The following IFIH1 variants were observed in gnomAD, a reference collection of about 807,000 sequenced individuals.
IFIH1 encodes interferon-induced helicase C domain-containing protein 1.
In IFIH1, 125 loss-of-function variants were observed where a neutral mutation model predicts 107.4. That is an observed-to-expected ratio of 1.16 (90% CI 1.01 to 1.35). The LOEUF (loss-of-function observed/expected upper bound fraction) is 1.35. Among genes scored for constraint, IFIH1 ranks in the 40% most tolerant of loss-of-function variants. The pLI is 0.00. For synonymous variants in IFIH1, 458 were observed against 413.2 expected, an observed-to-expected ratio of 1.11 and a Z score of -1.31; for missense variants, 1,333 against 1,213.7, an observed-to-expected ratio of 1.10 and a Z score of -1.46.
chr2:162,314,783 T>A (rs1683458224), intron 1 of IFIH1, among the ~76,000 whole-genome samples: 1 of 152,110 alleles, frequency 6.6e-6, no homozygotes, highest in Non-Finnish European at 1.5e-5. Flanking sequence ...CCACCATGAC[T>A]GGCCTACAGT....
rs775472922 is a variant in IFIH1 at position 162,272,317 on chromosome 2, T to A, written c.2525A>T (p.Glu842Val). Residue 842 changes from glutamate to valine, a missense_variant, in exon 13 of 16, where the codon GAA (glutamate) becomes GTA (valine). By Grantham distance (121) the Glu-to-Val change is moderately radical. Coordinates refer to ENST00000649979, the MANE Select transcript of IFIH1 (RefSeq NM_022168.4). ...TCGGAAATCATTAACTGTCTCATGT[T>A]CGATAACTCCTGAACCACTGTGAGC... Reference protein sequence around the residue: ...LVAHSGSGVIEHETVNDFREK... With the variant: ...LVAHSGSGVIVHETVNDFREK... 1.3e-5 allele frequency: 21 copies of A among 1,613,242 alleles called. No homozygotes were observed. Among genetic ancestry groups the A allele is most frequent in the Middle Eastern group, 1.6e-4 (1 of 6,078 alleles).
rs1691055209 is a variant in IFIH1 at position 162,272,284 on chromosome 2, A to G, written c.2558T>C (p.Met853Thr). 1 of 1,612,396 alleles carries G rather than the reference A, an allele frequency of 6.2e-7. No homozygotes were observed. Among genetic ancestry groups the G allele is most frequent in the Non-Finnish European group, 8.5e-7 (1 of 1,178,862 alleles). ...AACACAATGTATAGCTTTATACATC[A>G]TCTTCTCTCGGAAATCATTAACTGT... ...HETVNDFREK[M>T]MYKAIHCVQN... Residue 853 changes from methionine (M) to threonine (T), a missense_variant, in exon 13 of 16, where the codon ATG (methionine) becomes ACG (threonine). Met to Thr is a moderately conservative substitution (Grantham distance 81). Transcript: ENST00000649979.
rs1682672313 is a variant in IFIH1 at position 162,276,679 on chromosome 2, A to G, written c.2304+8T>C. The G allele has an allele frequency of 6.2e-7, 1 of 1,601,904 alleles. No individual in the cohort carries two copies. The highest frequency in any genetic ancestry group is 8.5e-7 in the Non-Finnish European group (1 of 1,176,076). Reference sequence around the variant, plus strand: ...AAGAAAAGAAGTCGTCCAAAAGGATATTTATACCTGTGTCATGGGTTTGAA... The same window carrying G: ...AAGAAAAGAAGTCGTCCAAAAGGATGTTTATACCTGTGTCATGGGTTTGAA... On this transcript the variant is annotated splice_region_variant and intron_variant, in intron 11 of 15. Coordinates refer to ENST00000649979, the MANE Select transcript of IFIH1 (RefSeq NM_022168.4).
chr2:162,277,699 A>G lies in IFIH1; in HGVS notation c.1766-6T>C. 1 of 1,598,660 alleles carries G rather than the reference A, an allele frequency of 6.3e-7. No individual in the cohort carries two copies. On this transcript the variant is annotated splice_region_variant and splice_polypyrimidine_tract_variant and intron_variant, in intron 9 of 15. Transcript: ENST00000649979. ...GCGATTTCCTTCTTTTGCAGCTGTG[A>G]AAAAATATATTATGTAAGTGAAATA...
intron 1 of IFIH1, 70 bp downstream of exon 1, chr2:162,317,785 G>A (rs766809664): frequency 9.4e-6 from 12 of 1,283,250 alleles, no homozygotes; most frequent in Non-Finnish European, 1.3e-5. Context: ...TTGGAAAGGG[G>A]CAAACGCACA....
intron 3 of IFIH1, among the ~76,000 whole-genome samples, chr2:162,295,239 T>C (rs1455165827): frequency 6.6e-6 from 1 of 152,032 alleles, no homozygotes; most frequent in Non-Finnish European, 1.5e-5. Flanking sequence ...CAACCACTGA[T>C]CTGGTTTCTG....
intron 5 of IFIH1, among the ~76,000 whole-genome samples, chr2:162,285,510 G>T (rs987030262): frequency 3.3e-5 from 5 of 151,930 alleles, no homozygotes; most frequent in Non-Finnish European, 7.4e-5. Context: ...CAAAAAGATG[G>T]TATAGTAAAC....
At position 162,276,718 on chromosome 2, in the gene IFIH1, C is replaced by T; in HGVS notation, c.2273G>A (p.Gly758Glu). The T allele has an allele frequency of 6.2e-7, 1 of 1,613,970 alleles. No individual in the cohort carries two copies. Among genetic ancestry groups the T allele is most frequent in the Non-Finnish European group, 8.5e-7 (1 of 1,179,906 alleles). Residue 758 changes from glycine (G) to glutamate (E), a missense_variant, in exon 11 of 16, where the codon GGA becomes GAA. Transcript: ENST00000649979. The part of the protein sequence containing the change: ...GVKAHHLIGA[G>E]HSSEFKPMTQ... The stretch of plus-strand genomic sequence containing the variant: ...CATGGGTTTGAACTCACTGCTGTGT[C>T]CAGCTCCAATCAGATGGTGGGCTTT...
At chr2:162,298,490 T>C (rs977491174) in intron 3 of IFIH1, among the ~76,000 whole-genome samples, 1 of 152,152 alleles carries the variant, frequency 6.6e-6, no homozygotes, top group Admixed American at 6.6e-5. Flanking sequence ...TTCATGTTTA[T>C]TCTAGTTCTG....
intron 12 of IFIH1, 63 bp downstream of exon 12, chr2:162,273,732 G>T: frequency 8.4e-7 from 1 of 1,192,722 alleles, no homozygotes; most frequent in Non-Finnish European, 1.2e-6. Flanking sequence ...CTAAAAGAAA[G>T]CAATTAAAAT....
chr2:162,306,619 C>CAT (rs1412036233), intron 3 of IFIH1, 90 bp downstream of exon 3: 23 of 874,648 alleles, frequency 2.6e-5, no homozygotes, highest in Non-Finnish European at 3.7e-5. Context: ...TTAATGCCCA[C>CAT]ATTTTCTCCC....
rs371848456 is a variant in IFIH1, at chr2:162,307,368, G to C, written c.623-513C>G. On this transcript the variant is annotated intron_variant, in intron 2 of 15. Transcript: ENST00000649979. ...AATGCAAATTTGGTAGTTTTCTTTA[G>C]CTTTGCTCTTGCCATTTTGTTTCCT... Among the ~76,000 whole-genome samples, 42 of 152,282 alleles carry C rather than the reference G, an allele frequency of 2.8e-4. No homozygotes were observed. In the East Asian group the frequency reaches 7.7e-3, roughly 28 times the overall value.
Position 162,267,364 on chromosome 2 carries a change from T to C in IFIH1, c.2914A>G (p.Met972Val). 1.2e-6 allele frequency: 2 copies of C among 1,613,898 alleles called. No homozygotes were observed. The highest frequency in any genetic ancestry group is 1.1e-5 in the South Asian group (1 of 90,996). Reference sequence around the variant, plus strand: ...GGCAAATCTAAGCCTTTGTGCACCATCATTGTTCCCCAAGCCTGGAAAACA... The same window carrying C: ...GGCAAATCTAAGCCTTTGTGCACCACCATTGTTCCCCAAGCCTGGAAAACA... Reference protein sequence around the residue: ...CKCGQAWGTMMVHKGLDLPCL... With the variant: ...CKCGQAWGTMVVHKGLDLPCL... Residue 972 changes from methionine to valine, a missense_variant, in exon 16 of 16, where the codon ATG becomes GTG. Coordinates refer to ENST00000649979, the MANE Select transcript of IFIH1 (RefSeq NM_022168.4).
At position 162,272,247 on chromosome 2, in the gene IFIH1, T is replaced by C. The variant is rs749890336; in HGVS notation, c.2595A>G (p.Lys865=). The change falls in exon 13 of 16, where the codon AAA becomes AAG. Residue 865 remains lysine, a synonymous_variant. Transcript: ENST00000649979. Reference sequence around the variant, plus strand: ...ATACCTTATGAGCATACTCCTCTGGTTTCATATTTTGAACACAATGTATAG... The same window carrying C: ...ATACCTTATGAGCATACTCCTCTGGCTTCATATTTTGAACACAATGTATAG... ...YKAIHCVQNM[K]PEEYAHKILE... is the part of the protein sequence containing the mutation. 3.7e-6 allele frequency: 6 copies of C among 1,612,224 alleles called. No individual in the cohort carries two copies. In the South Asian group the frequency reaches 4.4e-5, roughly 12 times the overall value.
At chr2:162,287,589 C>G (rs1682919442) in intron 5 of IFIH1, among the ~76,000 whole-genome samples, 1 of 151,688 alleles carries the variant, frequency 6.6e-6, no homozygotes, top group Admixed American at 6.6e-5. Flanking sequence ...ACTTCTTGAG[C>G]ATTTTAAAAT....
chr2:162,276,774 A>G lies in IFIH1; in HGVS notation c.2217T>C (p.Thr739=), dbSNP rs1429317406. Residue 739 remains threonine (T), a synonymous_variant, in exon 11 of 16, where the codon ACT becomes ACC. Coordinates refer to ENST00000649979, the MANE Select transcript of IFIH1 (RefSeq NM_022168.4). ...QSAYALSQWI[T]ENEKFAEVGV... The stretch of plus-strand genomic sequence containing the variant: ...CTACTTCAGCAAATTTTTCATTTTC[A>G]GTAATCCACTGGGAAAGCGCATATG... 6.2e-7 allele frequency: 1 copy of G among 1,613,968 alleles called. No homozygotes were observed. The highest frequency in any genetic ancestry group is 1.7e-5 in the Admixed American group (1 of 59,970).
chr2:162,291,438 A>T (rs1682995701), intron 4 of IFIH1, among the ~76,000 whole-genome samples: 1 of 151,708 alleles, frequency 6.6e-6, no homozygotes, highest in Non-Finnish European at 1.5e-5. Flanking sequence ...GCCAATATGT[A>T]TTGCCAAAAA....
intron 11 of IFIH1, among the ~76,000 whole-genome samples, chr2:162,275,713 G>A (rs143686717): frequency 6.6e-6 from 1 of 152,156 alleles, no homozygotes; most frequent in East Asian, 1.9e-4. Flanking sequence ...AAAGACTCAG[G>A]GTCAATGTGA....
intron 8 of IFIH1, among the ~76,000 whole-genome samples, chr2:162,279,785 T>A (rs1682773542): frequency 6.6e-6 from 1 of 152,062 alleles, no homozygotes; most frequent in South Asian, 2.1e-4. Context: ...AATAAGCTAT[T>A]CCTCATGTAA....
Sources: gnomAD v4.1 joint callset for allele counts (sites outside exome capture counted in the v4.1 genomes callset) on GRCh38, gnomAD v4.1.1 for gene constraint, MANE v1.5 for transcripts, NCBI Gene and HGNC (gene_info 2026-07-23, HGNC 2026-07-21) for gene names.